Variants in IL23R observed in about 807,000 individuals in gnomAD.
IL23R encodes the protein interleukin 23 receptor.
IL23R carries 34 observed loss-of-function variants against 56.9 expected under a neutral mutation model. The observed-to-expected ratio is 0.60, with a 90% CI of 0.45 to 0.80. The LOEUF is 0.80. IL23R is among the 30% of genes least tolerant of loss of function. The probability of loss-of-function intolerance (pLI) is 0.00; values close to 1 mark genes in which losing one functional copy is unlikely to be tolerated. For missense variants in IL23R, 635 were observed against 730.0 expected (o/e 0.87, Z 1.50); for synonymous variants, 230 against 249.2 (o/e 0.92, Z 0.73).
chr1:67,225,721 G>A (rs11801373), intron 7 of IL23R, among the ~76,000 whole-genome samples: 2,348 of 152,114 alleles, frequency 0.015, 62 homozygotes, highest in African/African-American at 0.053. Flanking sequence ...TGTTGGCCAG[G>A]CTGGTCTCGA....
rs375552098 is a variant in IL23R, at chr1:67,240,211, A to G, written c.1078A>G (p.Met360Val). ...AGGAGACATTGGACTTTTATTGGGA[A>G]TGATCGTCTTTGCTGTTATGTTGTC... is the stretch of plus-strand genomic sequence containing the variant. ...NRGDIGLLLG[M>V]IVFAVMLSIL... The change falls in exon 9 of 11, where the codon ATG becomes GTG. Residue 360 changes from methionine (M) to valine (V), a missense_variant. Met to Val is a conservative substitution (Grantham distance 21, BLOSUM62 1). Transcript: ENST00000347310. 1.1e-5 allele frequency: 17 copies of G among 1,612,712 alleles called. No homozygotes were observed. Among genetic ancestry groups the G allele is most frequent in the Non-Finnish European group, 1.2e-5 (14 of 1,178,914 alleles).
rs1168732355 is a variant in IL23R at position 67,227,976 on chromosome 1, TTC to T, written c.955+8248_955+8249del. 1.3e-4 allele frequency among the ~76,000 whole-genome samples: 11 copies of T among 87,274 alleles called. 2 individuals carry two copies. Among genetic ancestry groups the T allele is most frequent in the Admixed American group, 6.8e-4 (5 of 7,344 alleles). 57.3% of individuals were successfully genotyped at this position (87,274 alleles called of 152,430 possible). ...TTTCTTTCTTTCTTTCTTTCTTTCT[TTC>T]TTTCTTTCTTTCTTTCTTTCTTTCT... On this transcript the variant is annotated intron_variant, in intron 7 of 10. Transcript: ENST00000347310.
chr1:67,228,010 CTTTCTTTCTTCCTTTCTTTCTTTT>C (rs1650782791), intron 7 of IL23R, among the ~76,000 whole-genome samples: 1 of 90,156 alleles, frequency 1.1e-5, no homozygotes, highest in Non-Finnish European at 2.4e-5. Flanking sequence ...TTCTTTCTTT[CTTTCTTTCTTCCTTTCTTTCTTTT>C]CTTTCTTTCT....
intron 6 of IL23R, among the ~76,000 whole-genome samples, chr1:67,210,440 TTTTTTTTCCCTTCCGATAC>T (rs1475395755): frequency 6.6e-6 from 1 of 151,816 alleles, no homozygotes; most frequent in African/African-American, 2.4e-5. Context: ...TTTCTGGCCT[TTTTTTTTCCCTTCCGATAC>T]TTTTTTAAGG....
intron 6 of IL23R, chr1:67,207,571 A>G: frequency 2.8e-6 from 1 of 361,120 alleles, no homozygotes; most frequent in Non-Finnish European, 5.3e-6. Context: ...AATAAGTCTC[A>G]CGAGATCTGA....
Position 67,219,366 on chromosome 1 carries a change from T to C in IL23R, c.799-208T>C, listed in dbSNP as rs559038513. Among the ~76,000 whole-genome samples, 165 of 152,186 alleles carry C rather than the reference T, an allele frequency of 1.1e-3. 1 individual carries two copies. Among genetic ancestry groups the C allele is most frequent in the Middle Eastern group, 6.8e-3 (2 of 294 alleles). On this transcript the variant is annotated intron_variant, in intron 6 of 10. Coordinates refer to ENST00000347310, the MANE Select transcript of IL23R (RefSeq NM_144701.3). Reference sequence around the variant, plus strand: ...CTGGGCAATAGAGCGAGACTCCATCTCAAAAAAAGCAGTGTGTGTTTCAGT... The same window carrying C: ...CTGGGCAATAGAGCGAGACTCCATCCCAAAAAAAGCAGTGTGTGTTTCAGT...
intron 8 of IL23R, among the ~76,000 whole-genome samples, chr1:67,239,566 G>T (rs1354849567): frequency 5.3e-5 from 8 of 152,122 alleles, no homozygotes; most frequent in Admixed American, 5.2e-4. Flanking sequence ...TGCCCAGCCA[G>T]CATTGTTTTT....
chr1:67,175,010 T>A (rs1405348170), intron 3 of IL23R, among the ~76,000 whole-genome samples: 1 of 152,102 alleles, frequency 6.6e-6, no homozygotes. Context: ...TCTGATTGGT[T>A]CATCTTGAGT....
At chr1:67,189,820 G>A (rs1263877497) in intron 4 of IL23R, among the ~76,000 whole-genome samples, 3 of 152,050 alleles carry the variant, frequency 2.0e-5, no homozygotes, top group South Asian at 2.1e-4. Flanking sequence ...CTAGCCAGGC[G>A]TGTTGGCGGG....
Position 67,169,532 on chromosome 1 carries a change from T to C in IL23R, c.261T>C (p.Leu87=). The change falls in exon 3 of 11, where the codon CTT becomes CTC. Residue 87 remains leucine, a synonymous_variant. Transcript: ENST00000347310. ...ITRINKTTAR[L]WYKNFLEPHA... Reference sequence around the variant, plus strand: ...GGATTAATAAAACAACAGCTCGGCTTTGGTATAAAAACTTTCTGGAACCAC... The same window carrying C: ...GGATTAATAAAACAACAGCTCGGCTCTGGTATAAAAACTTTCTGGAACCAC... 6.2e-7 allele frequency: 1 copy of C among 1,613,972 alleles called. No individual in the cohort carries two copies.
At chr1:67,229,714 A>G (rs1257282503) in intron 7 of IL23R, among the ~76,000 whole-genome samples, 1 of 152,194 alleles carries the variant, frequency 6.6e-6, no homozygotes, top group Non-Finnish European at 1.5e-5. Context: ...TAAGGATTTT[A>G]GGACTTGTAT....
At chr1:67,227,948 TTC>T (rs377215566) in intron 7 of IL23R, among the ~76,000 whole-genome samples, 4 of 15,816 alleles carry the variant, frequency 2.5e-4, no homozygotes, top group East Asian at 9.4e-4. Context: ...AGATCTTTCT[TTC>T]TTTCTTTCTT....
At chr1:67,244,757 G>A (rs6664583) in intron 9 of IL23R, among the ~76,000 whole-genome samples, 6 of 152,082 alleles carry the variant, frequency 3.9e-5, no homozygotes, top group Admixed American at 3.9e-4. Context: ...ATGCCTCCAG[G>A]TTTGTTCTTT....
chr1:67,144,815 A>G (rs1176938026), intron 1 of IL23R, among the ~76,000 whole-genome samples: 1 of 152,144 alleles, frequency 6.6e-6, no homozygotes, highest in Non-Finnish European at 1.5e-5. Context: ...CATATCCAAA[A>G]TTTAAGTTAT....
At chr1:67,182,226 G>A (rs958714770) in intron 3 of IL23R, among the ~76,000 whole-genome samples, 48 of 152,286 alleles carry the variant, frequency 3.2e-4, no homozygotes, top group African/African-American at 8.9e-4. Context: ...CCCTGCCCCC[G>A]GAGGTGGAGT....
intron 9 of IL23R, among the ~76,000 whole-genome samples, chr1:67,252,548 A>G (rs1652694087): frequency 6.6e-6 from 1 of 152,190 alleles, no homozygotes; most frequent in African/African-American, 2.4e-5. Context: ...AGAACTTGCC[A>G]TGATCCCCAG....
intron 6 of IL23R, 59 bp downstream of exon 6, chr1:67,207,114 C>A (rs1465063475): frequency 6.2e-6 from 9 of 1,461,234 alleles, no homozygotes; most frequent in Non-Finnish European, 8.6e-6. Context: ...AGCCAACCAT[C>A]AGTGGCTACA....
rs1366792196 is a variant in IL23R, at chr1:67,173,566, C to T, written c.367+3928C>T. Among the ~76,000 whole-genome samples the T allele has an allele frequency of 7.2e-5, 11 of 152,266 alleles. 1 individual carries two copies. The East Asian group carries it at 2.1e-3, about 29-fold the overall frequency. ...AATTAAAACAAAGATTTATTTTACC[C>T]TACTTGGAGCCCAGTTTCTCTCCAT... On this transcript the variant is annotated intron_variant, in intron 3 of 10. Coordinates refer to ENST00000347310, the MANE Select transcript of IL23R (RefSeq NM_144701.3).
chr1:67,200,071 G>A (rs1260492714), intron 4 of IL23R, among the ~76,000 whole-genome samples: 2 of 152,106 alleles, frequency 1.3e-5, no homozygotes, highest in South Asian at 2.1e-4. Context: ...ACGGAGTCTC[G>A]CTCTGTCGCC....
Sources: allele counts gnomAD v4.1 joint callset (sites outside exome capture counted in the v4.1 genomes callset), GRCh38; gene constraint gnomAD v4.1.1; transcripts MANE v1.5; gene names NCBI Gene and HGNC (gene_info 2026-07-23, HGNC 2026-07-21).